PES1: variants seen among roughly 807,000 people sequenced by gnomAD.
The protein encoded by PES1 is pescadillo homolog.
A neutral mutation model predicts 77.1 loss-of-function variants in PES1; 31 were observed. That is an observed-to-expected ratio of 0.40 (90% CI 0.30 to 0.54). The LOEUF (loss-of-function observed/expected upper bound fraction) is 0.54, where lower values mean the gene tolerates loss of function less well. Among genes scored for constraint, PES1 ranks in the 20% least tolerant of loss-of-function variants. The probability of loss-of-function intolerance (pLI) is 0.45; values close to 1 mark genes in which losing one functional copy is unlikely to be tolerated. For synonymous variants in PES1, 282 were observed against 303.0 expected (o/e 0.93, Z 0.72); for missense variants, 658 against 771.7 (o/e 0.85, Z 1.75).
At chr22:30,580,400 C>T (rs1455328065) in intron 10 of PES1, among the ~76,000 whole-genome samples, 171 bp downstream of exon 10, 1 of 152,244 alleles carries the variant, frequency 6.6e-6, no homozygotes, top group Non-Finnish European at 1.5e-5. Flanking sequence ...CAGTTCCGCC[C>T]TCTGCTGAGC....
In PES1 at chr22:30,580,131, G is replaced by A. The variant is rs1184273732; in HGVS notation, c.1091C>T (p.Ala364Val). 6.2e-7 allele frequency: 1 copy of A among 1,613,910 alleles called. No individual in the cohort carries two copies. The highest frequency in any genetic ancestry group is 1.3e-5 in the African/African-American group (1 of 74,892). ...GCGGGAGTCTGTGACGTCATAGGTGGCCCCAATGCACAAAGATTTGTCCCA... is the reference window on the plus strand; with the variant it reads ...GCGGGAGTCTGTGACGTCATAGGTGACCCCAATGCACAAAGATTTGTCCCA... ...VSWDKSLCIG[A>V]TYDVTDSRIT... The change falls in exon 11 of 15, where the codon GCC (alanine) becomes GTC (valine). Residue 364 changes from alanine to valine, a missense_variant. Transcript: ENST00000354694.
At chr22:30,583,749 C>A (rs1480257741) in intron 6 of PES1, among the ~76,000 whole-genome samples, 1 of 152,224 alleles carries the variant, frequency 6.6e-6, no homozygotes, top group Non-Finnish European at 1.5e-5. Context: ...TATAGTGAGA[C>A]CCTATCTCTA....
upstream of PES1, chr22:30,592,237 A>C (rs2087193215): frequency 2.0e-6 from 2 of 1,017,238 alleles, no homozygotes; most frequent in Non-Finnish European, 2.4e-6. Flanking sequence ...GGGGCGCCGC[A>C]CTCCATGGTG....
rs1355303899 is a variant in PES1, at chr22:30,597,776, G to A, written c.-660-5378C>T. Among the ~76,000 whole-genome samples the A allele has an allele frequency of 2.6e-5, 4 of 151,806 alleles. No homozygotes were observed. In the East Asian group the frequency reaches 7.7e-4, roughly 29 times the overall value. On this transcript the variant is annotated intron_variant, in intron 2 of 16. Transcript: ENST00000402281. The stretch of plus-strand genomic sequence containing the variant: ...AGACCAATCCGTTCTCTGTAAAATG[G>A]ACCAATCAGCAGTATGTGGGTGGGG...
intron 1 of PES1, among the ~76,000 whole-genome samples, chr22:30,606,354 C>G (rs2087442438): frequency 6.6e-6 from 1 of 152,110 alleles, no homozygotes; most frequent in Non-Finnish European, 1.5e-5. Flanking sequence ...CCTCAGCCCC[C>G]CAAGTAGCTG....
In PES1 at chr22:30,599,860, A is replaced by G. The variant is rs578078353; in HGVS notation, c.-661+5601T>C. ...GGTTGCGGTGAGCCGAGATTGAGCC[A>G]TTGCACTCCAGCCTGGGCAATAAGA... On this transcript the variant is annotated intron_variant, in intron 2 of 16. Coordinates refer to the PES1 transcript ENST00000402281. Among the ~76,000 whole-genome samples, 20 of 152,314 alleles carry G rather than the reference A, an allele frequency of 1.3e-4. No individual in the cohort carries two copies. In the East Asian group the frequency reaches 3.7e-3, roughly 28 times the overall value.
At chr22:30,588,327 A>G (rs564511139) in intron 2 of PES1, among the ~76,000 whole-genome samples, 153 bp from the exon 3 acceptor site, 1 of 152,310 alleles carries the variant, frequency 6.6e-6, no homozygotes, top group East Asian at 1.9e-4. Flanking sequence ...GACAGTCACA[A>G]TCATAAAACA....
chr22:30,582,050 C>G (rs2086996208), intron 6 of PES1, among the ~76,000 whole-genome samples: 2 of 152,216 alleles, frequency 1.3e-5, no homozygotes, highest in Non-Finnish European at 2.9e-5. Flanking sequence ...CTGGCCAGAG[C>G]TCCTGCCTTC....
chr22:30,579,970 A>G (rs2086958108), intron 11 of PES1, 35 bp from the exon 12 acceptor site: 1 of 1,611,246 alleles, frequency 6.2e-7, no homozygotes, highest in East Asian at 2.2e-5. Context: ...CGAGTCACAG[A>G]GGGCAACTCA....
In PES1 at chr22:30,579,845, G is replaced by A. The variant is rs745985162; in HGVS notation, c.1260C>T (p.Pro420=). Reference sequence around the variant, plus strand: ...CGGTCACAAAGGGTGAAAGGTGTGGGGGCAGCTGCACCCCAGAGAAGTACT... The same window carrying A: ...CGGTCACAAAGGGTGAAAGGTGTGGAGGCAGCTGCACCCCAGAGAAGTACT... ...VAEYFSGVQL[P]PHLSPFVTEK... is the part of the protein sequence containing the mutation. Residue 420 remains proline, a synonymous_variant, in exon 12 of 15, where the codon CCC becomes CCT. Transcript: ENST00000354694. 6.2e-7 allele frequency: 1 copy of A among 1,614,026 alleles called. No homozygotes were observed. The highest frequency in any genetic ancestry group is 8.5e-7 in the Non-Finnish European group (1 of 1,179,980).
intron 2 of PES1, among the ~76,000 whole-genome samples, chr22:30,600,035 A>C (rs142443257): frequency 0.011 from 1,688 of 152,282 alleles, 27 homozygotes; most frequent in African/African-American, 0.038. Flanking sequence ...TTTCAATTTA[A>C]AAAATACGTT....
At chr22:30,599,882 A>T (rs1471021884) in intron 2 of PES1, among the ~76,000 whole-genome samples, 1 of 152,260 alleles carries the variant, frequency 6.6e-6, no homozygotes. Flanking sequence ...CCTGGGCAAT[A>T]AGAGAAATTC....
At chr22:30,604,680 C>T (rs1415661364) in intron 2 of PES1, among the ~76,000 whole-genome samples, 1 of 151,900 alleles carries the variant, frequency 6.6e-6, no homozygotes, top group African/African-American at 2.4e-5. Context: ...GTTGATGTTG[C>T]AGCTGGCTTG....
At chr22:30,599,081 T>TAA (rs1433725832) in intron 2 of PES1, among the ~76,000 whole-genome samples, 1 of 151,314 alleles carries the variant, frequency 6.6e-6, no homozygotes, top group African/African-American at 2.4e-5. Flanking sequence ...TATTTTTAGT[T>TAA]AGAGATGGGA....
chr22:30,577,156 C>A, intron 14 of PES1, 27 bp from the exon 15 acceptor site: 1 of 1,601,288 alleles, frequency 6.2e-7, no homozygotes, highest in Non-Finnish European at 8.5e-7. Context: ...GAAGGTCAGG[C>A]TGAGGTATGT....
chr22:30,581,536 G>T lies in PES1; in HGVS notation c.739C>A (p.Pro247Thr). The change falls in exon 7 of 15, where the codon CCC becomes ACC. Residue 247 changes from proline (P) to threonine (T), a missense_variant. By Grantham distance (38) the Pro-to-Thr change is conservative (BLOSUM62 -1). Transcript: ENST00000354694. ...RLYQLLNLHYPPKLEGQAQAE... is the reference protein window; with the variant it reads ...RLYQLLNLHYTPKLEGQAQAE... ...CTGGGCTGGGGTCCTACCTTCGGGG[G>T]ATAGTGGAGGTTGAGCAACTGGTAA... 6.2e-7 allele frequency: 1 copy of T among 1,613,318 alleles called. No individual in the cohort carries two copies. Among genetic ancestry groups the T allele is most frequent in the Non-Finnish European group, 8.5e-7 (1 of 1,179,488 alleles).
chr22:30,602,220 A>G (rs565919599), intron 2 of PES1, among the ~76,000 whole-genome samples: 8 of 152,190 alleles, frequency 5.3e-5, no homozygotes, highest in East Asian at 1.9e-4. Context: ...TTCTCATGAT[A>G]GAGAGGGAGT....
chr22:30,605,994 C>T (rs1049214375), intron 1 of PES1, among the ~76,000 whole-genome samples: 2 of 152,168 alleles, frequency 1.3e-5, no homozygotes, highest in South Asian at 2.1e-4. Context: ...TCTTGCCTAA[C>T]CCTCTCTTCT....
At chr22:30,593,945 A>T (rs2087220697), upstream of PES1, among the ~76,000 whole-genome samples, 1 of 152,220 alleles carries the variant, frequency 6.6e-6, no homozygotes, top group Non-Finnish European at 1.5e-5. Flanking sequence ...AAAGAATGTT[A>T]TGTGACTCCA....
Sources: gnomAD v4.1 joint callset for allele counts (sites outside exome capture counted in the v4.1 genomes callset) on GRCh38, gnomAD v4.1.1 for gene constraint, MANE v1.5 for transcripts, NCBI Gene and HGNC (gene_info 2026-07-23, HGNC 2026-07-21) for gene names.